Variants in CHURC1 observed in about 807,000 individuals in gnomAD.
CHURC1 encodes the protein churchill domain containing 1, also known as protein Churchill.
Under a neutral mutation model 15.4 loss-of-function variants are expected in CHURC1, and 12 were observed. That is an observed-to-expected ratio of 0.78 (90% CI 0.50 to 1.27). The LOEUF (loss-of-function observed/expected upper bound fraction) is 1.27, where lower values mean the gene tolerates loss of function less well. Among genes scored for constraint, CHURC1 ranks in the 50% most tolerant of loss-of-function variants. The probability of loss-of-function intolerance (pLI) is 0.00; values close to 1 mark genes in which losing one functional copy is unlikely to be tolerated. For synonymous variants in CHURC1, 42 were observed against 47.5 expected (o/e 0.88, Z 0.48); for missense variants, 132 against 137.8 (o/e 0.96, Z 0.21).
intron 1 of CHURC1, among the ~76,000 whole-genome samples, chr14:64,918,950 A>G (rs1884084119): frequency 6.6e-6 from 1 of 152,186 alleles, no homozygotes; most frequent in Admixed American, 6.5e-5. Context: ...TTTGTCATTT[A>G]TTTTTACAGA....
chr14:64,919,649 G>A (rs10132396), intron 1 of CHURC1, among the ~76,000 whole-genome samples: 40,185 of 151,944 alleles, frequency 0.26, 6,084 homozygotes, highest in African/African-American at 0.41. Flanking sequence ...TTCGGAGGCC[G>A]AGGCTAGCAG....
rs73281742 is a variant in CHURC1 at position 64,934,535 on chromosome 14, A to G, written c.*2305A>G. 1.6e-3 allele frequency: 1,581 copies of G among 985,464 alleles called. 12 individuals carry two copies. The African/African-American group carries it at 0.021, about 13-fold the overall frequency. The allele number at this position is 985,464 out of a possible 1,614,324, so 61.0% of individuals were successfully genotyped here. A position where few individuals can be genotyped will look rare whatever the true frequency, so the allele number is the denominator to read the frequency against. On this transcript the variant is annotated 3_prime_UTR_variant, in exon 4 of 4. Coordinates refer to ENST00000549115, the MANE Select transcript of CHURC1 (RefSeq NM_001386928.1). ...ACTCTGAGGCATCTGGGCATGTCAG[A>G]TGAAGATTTATTATTCAGAAAAGTT...
chr14:64,927,709 T>TC (rs780528509), intron 3 of CHURC1, among the ~76,000 whole-genome samples: 1,090 of 44,572 alleles, frequency 0.024, 1 homozygote, highest in Middle Eastern at 0.083. Flanking sequence ...AGTCTACTTC[T>TC]CCCCCCACCC....
rs1884583673 is a variant in CHURC1, at chr14:64,925,102, C to T, written c.176-908C>T. Among the ~76,000 whole-genome samples the T allele has an allele frequency of 2.0e-5, 3 of 152,150 alleles. No homozygotes were observed. The South Asian group carries it at 6.2e-4, about 32-fold the overall frequency. ...GCTGTTTGGGTTTGAATTCTGGTTC[C>T]AATACATCCTGGCTCAGTCGTCTTG... is the stretch of plus-strand genomic sequence containing the variant. On this transcript the variant is annotated intron_variant, in intron 2 of 3. Coordinates refer to ENST00000549115, the MANE Select transcript of CHURC1 (RefSeq NM_001386928.1).
chr14:64,925,765 GCTT>G lies in CHURC1; in HGVS notation c.176-242_176-240del, dbSNP rs1413795757. ...AAATACACTTAAATATGTTTTAACTGCTTCTCTTAAAGAACTTTTGGTGGCAAT... is the reference window on the plus strand; with the variant it reads ...AAATACACTTAAATATGTTTTAACTGCTCTTAAAGAACTTTTGGTGGCAAT... On this transcript the variant is annotated intron_variant, in intron 2 of 3. Coordinates refer to ENST00000549115, the MANE Select transcript of CHURC1 (RefSeq NM_001386928.1). Among the ~76,000 whole-genome samples, 3 of 148,902 alleles carry G rather than the reference GCTT, an allele frequency of 2.0e-5. No individual in the cohort carries two copies. In the East Asian group the frequency reaches 6.0e-4, roughly 30 times the overall value.
intron 2 of CHURC1, 34 bp from the exon 3 acceptor site, chr14:64,925,976 A>C: frequency 2.6e-6 from 4 of 1,509,484 alleles, no homozygotes; most frequent in Non-Finnish European, 3.6e-6. Context: ...ACTCTCTAAG[A>C]CTTAATTACG....
At chr14:64,920,893 A>G (rs1046714573) in intron 1 of CHURC1, among the ~76,000 whole-genome samples, 1 of 152,246 alleles carries the variant, frequency 6.6e-6, no homozygotes, top group African/African-American at 2.4e-5. Context: ...GTTAAAATTT[A>G]CATGAAACTG....
chr14:64,931,772 A>G (rs907722296), intron 3 of CHURC1, among the ~76,000 whole-genome samples: 14 of 152,200 alleles, frequency 9.2e-5, no homozygotes, highest in African/African-American at 2.4e-5. Flanking sequence ...CTTTCAAAAA[A>G]TTGTTTCTGT....
At chr14:64,924,245 A>G (rs527528722) in intron 2 of CHURC1, 119 bp downstream of exon 2, 12 of 1,211,564 alleles carry the variant, frequency 9.9e-6, no homozygotes, top group South Asian at 2.8e-5. Flanking sequence ...CATAATTACT[A>G]GTTAGGTCTT....
Position 64,932,264 on chromosome 14 carries a change from T to G in CHURC1, c.*34T>G. 6.2e-7 allele frequency: 1 copy of G among 1,609,050 alleles called. No homozygotes were observed. Among genetic ancestry groups the G allele is most frequent in the Non-Finnish European group, 8.5e-7 (1 of 1,177,232 alleles). ...CTACAGATCTGTTATAACTATATTG[T>G]GTTGGTTTACAATACAGCAAGCCTG... On this transcript the variant is annotated 3_prime_UTR_variant, in exon 4 of 4. Coordinates refer to ENST00000549115, the MANE Select transcript of CHURC1 (RefSeq NM_001386928.1).
At chr14:64,921,593 A>G (rs914041143) in intron 1 of CHURC1, among the ~76,000 whole-genome samples, 2 of 152,240 alleles carry the variant, frequency 1.3e-5, no homozygotes, top group African/African-American at 4.8e-5. Context: ...AGGAAACAAA[A>G]GTTAAAACTA....
rs200106347 is a variant in CHURC1 at position 64,927,326 on chromosome 14, C to G, written c.246+1246C>G. Among the ~76,000 whole-genome samples, 5 of 152,260 alleles carry G rather than the reference C, an allele frequency of 3.3e-5. No individual in the cohort carries two copies. The East Asian group carries it at 9.7e-4, about 29-fold the overall frequency. On this transcript the variant is annotated intron_variant, in intron 3 of 3. Coordinates refer to ENST00000549115, the MANE Select transcript of CHURC1 (RefSeq NM_001386928.1). ...TATGCGTAACTTAGGGCAAAATTGA[C>G]ATCTTAGTGAATGAGTAGTGGCCGC... is the stretch of plus-strand genomic sequence containing the variant.
chr14:64,920,909 A>G (rs1376482327), intron 1 of CHURC1, among the ~76,000 whole-genome samples: 1 of 152,212 alleles, frequency 6.6e-6, no homozygotes, highest in East Asian at 1.9e-4. Flanking sequence ...AACTGAAAAG[A>G]ACCAAGAATA....
chr14:64,925,708 A>AAAAG (rs1485483761), intron 2 of CHURC1, among the ~76,000 whole-genome samples: 1 of 151,656 alleles, frequency 6.6e-6, no homozygotes, highest in African/African-American at 2.4e-5. Flanking sequence ...AAAAAAAAAA[A>AAAAG]AAAAAAAAAG....
At chr14:64,919,229 C>T (rs1002698862) in intron 1 of CHURC1, among the ~76,000 whole-genome samples, 2 of 151,986 alleles carry the variant, frequency 1.3e-5, no homozygotes, top group African/African-American at 2.4e-5. Context: ...TCATATCAAA[C>T]TGGAAATGAA....
Position 64,933,598 on chromosome 14 carries a change from A to G in CHURC1, c.*1368A>G, listed in dbSNP as rs1885193481. 9 of 982,796 alleles carry G rather than the reference A, an allele frequency of 9.2e-6. No homozygotes were observed. Among genetic ancestry groups the G allele is most frequent in the Non-Finnish European group, 1.1e-5 (9 of 827,672 alleles). 60.9% of individuals were successfully genotyped at this position (982,796 alleles called of 1,614,324 possible). A position where few individuals can be genotyped will look rare whatever the true frequency, so the allele number is the denominator to read the frequency against. ...CAGTATTGTTAGGAGATTTAAATGA[A>G]TTAGTGAATGTAAGATACTTTAGAA... On this transcript the variant is annotated 3_prime_UTR_variant, in exon 4 of 4. Coordinates refer to ENST00000549115, the MANE Select transcript of CHURC1 (RefSeq NM_001386928.1).
chr14:64,926,203 G>T, intron 3 of CHURC1, 123 bp downstream of exon 3: 23 of 347,388 alleles, frequency 6.6e-5, no homozygotes, highest in Non-Finnish European at 9.9e-5. Flanking sequence ...TATTAAAGGA[G>T]ACTATGCCTT....
In CHURC1 at chr14:64,934,879, A is replaced by G. The variant is rs138718409; in HGVS notation, c.*2649A>G. The stretch of plus-strand genomic sequence containing the variant: ...ACTATATGTTACAAAAATTTAAAAC[A>G]TAAGATCCTCTCTCTATATTTCATT... On this transcript the variant is annotated 3_prime_UTR_variant, in exon 4 of 4. Coordinates refer to ENST00000549115, the MANE Select transcript of CHURC1 (RefSeq NM_001386928.1). 6.1e-6 allele frequency: 6 copies of G among 984,618 alleles called. No homozygotes were observed. In the East Asian group the frequency reaches 3.4e-4, roughly 56 times the overall value. The allele number at this position is 984,618 out of a possible 1,614,324, so 61.0% of individuals were successfully genotyped here.
chr14:64,915,033 G>C (rs566134934), intron 1 of CHURC1, among the ~76,000 whole-genome samples: 1 of 152,362 alleles, frequency 6.6e-6, no homozygotes, highest in African/African-American at 2.4e-5. Flanking sequence ...TTTCCTGCCT[G>C]TTACCGCCTT....
Sources: allele counts gnomAD v4.1 joint callset (sites outside exome capture counted in the v4.1 genomes callset), GRCh38; gene constraint gnomAD v4.1.1; transcripts MANE v1.5; gene names NCBI Gene and HGNC (gene_info 2026-07-23, HGNC 2026-07-21).